Variants in TEAD1 observed in about 807,000 individuals in gnomAD.
TEAD1 encodes the protein transcriptional enhancer factor TEF-1.
Under a neutral mutation model 54.9 loss-of-function variants are expected in TEAD1, and 9 were observed. That is an observed-to-expected ratio of 0.16 (90% CI 0.10 to 0.29). The LOEUF is 0.29. Ranked by LOEUF, TEAD1 falls within the 10% of genes least tolerant of loss-of-function variation. The pLI is 1.00. For missense variants in TEAD1, 387 were observed against 535.9 expected (o/e 0.72, Z 2.74); for synonymous variants, 200 against 187.8 (o/e 1.07, Z -0.53).
intron 3 of TEAD1, among the ~76,000 whole-genome samples, chr11:12,774,501 A>C (rs1564935172): frequency 6.6e-6 from 1 of 152,190 alleles, no homozygotes; most frequent in Non-Finnish European, 1.5e-5. Context: ...GTGGGACAGG[A>C]GGTATATCAA....
intron 2 of TEAD1, among the ~76,000 whole-genome samples, chr11:12,719,791 TA>T (rs113647592): frequency 0.11 from 17,294 of 151,714 alleles, 3,342 homozygotes; most frequent in African/African-American, 0.4. Context: ...AGCTAATAGC[TA>T]AAAAAACTCT....
At chr11:12,786,674 A>T (rs1338627660) in intron 3 of TEAD1, among the ~76,000 whole-genome samples, 1 of 152,194 alleles carries the variant, frequency 6.6e-6, no homozygotes, top group African/African-American at 2.4e-5. Flanking sequence ...GATATGTCAG[A>T]TGCCACTCTA....
chr11:12,866,526 A>G (rs1947620971), intron 5 of TEAD1, among the ~76,000 whole-genome samples: 2 of 152,224 alleles, frequency 1.3e-5, no homozygotes, highest in Non-Finnish European at 2.9e-5. Context: ...TGCTTTATAC[A>G]TGTACATATG....
chr11:12,895,481 C>T (rs1282506983), intron 9 of TEAD1, among the ~76,000 whole-genome samples: 2 of 152,166 alleles, frequency 1.3e-5, no homozygotes, highest in African/African-American at 4.8e-5. Flanking sequence ...TCCAGCTGTC[C>T]TGAGCGTTTG....
intron 2 of TEAD1, among the ~76,000 whole-genome samples, chr11:12,697,776 C>T (rs1943615751): frequency 6.6e-6 from 1 of 152,202 alleles, no homozygotes; most frequent in Non-Finnish European, 1.5e-5. Context: ...GTAATCCCAG[C>T]ACTTGGGAGG....
chr11:12,882,292 C>T (rs1169656213), intron 8 of TEAD1, among the ~76,000 whole-genome samples: 1 of 152,144 alleles, frequency 6.6e-6, no homozygotes, highest in Non-Finnish European at 1.5e-5. Flanking sequence ...GTCTCAAGGC[C>T]AGATAGGGTT....
intron 2 of TEAD1, among the ~76,000 whole-genome samples, chr11:12,746,523 G>A (rs1944747659): frequency 6.6e-6 from 1 of 152,178 alleles, no homozygotes; most frequent in African/African-American, 2.4e-5. Flanking sequence ...ATGTTACCCT[G>A]ATTAGGTACT....
At chr11:12,819,377 C>A (rs1341923064) in intron 3 of TEAD1, among the ~76,000 whole-genome samples, 1 of 151,542 alleles carries the variant, frequency 6.6e-6, no homozygotes, top group Admixed American at 6.6e-5. Context: ...CTTGGTAACC[C>A]CTTCATTTAA....
At position 12,722,776 on chromosome 11, in the gene TEAD1, C is replaced by A. The variant is rs139864319; in HGVS notation, c.-54-41403C>A. ...ACTGTTTTCATTTTAACTTTTAGCC[C>A]TTGTCTGTATGCAGGCATGTTTCTC... On this transcript the variant is annotated intron_variant, in intron 2 of 12. Transcript: ENST00000527636. Among the ~76,000 whole-genome samples the A allele has an allele frequency of 1.2e-4, 18 of 152,058 alleles. No homozygotes were observed. The East Asian group carries it at 3.3e-3, about 28-fold the overall frequency.
intron 6 of TEAD1, 22 bp downstream of exon 6, chr11:12,879,864 GTAATGACAGCTGC>G: frequency 6.2e-7 from 1 of 1,612,486 alleles, no homozygotes; most frequent in Non-Finnish European, 8.5e-7. Flanking sequence ...GCTCAGTCCA[GTAATGACAGCTGC>G]TGGGGTTGGG....
intron 2 of TEAD1, among the ~76,000 whole-genome samples, chr11:12,760,311 G>T (rs975363317): frequency 3.3e-5 from 5 of 152,156 alleles, no homozygotes; most frequent in African/African-American, 9.7e-5. Context: ...TTCTGTATTG[G>T]GATGAAATTT....
chr11:12,907,779 A>G (rs1347309282), intron 10 of TEAD1, among the ~76,000 whole-genome samples: 1 of 152,216 alleles, frequency 6.6e-6, no homozygotes, highest in Non-Finnish European at 1.5e-5. Flanking sequence ...AGGCAAAGTG[A>G]CTTCTGTGAC....
intron 3 of TEAD1, among the ~76,000 whole-genome samples, chr11:12,841,609 G>T (rs990988340): frequency 6.6e-6 from 1 of 152,110 alleles, no homozygotes; most frequent in African/African-American, 2.4e-5. Context: ...TCAGCTACTT[G>T]CATTTTTTGG....
chr11:12,929,082 T>TCC (rs1948960320), intron 11 of TEAD1, among the ~76,000 whole-genome samples: 1 of 152,158 alleles, frequency 6.6e-6, no homozygotes. Flanking sequence ...GTTGACATTT[T>TCC]CCCCTTCTTT....
intron 2 of TEAD1, among the ~76,000 whole-genome samples, chr11:12,687,459 T>C (rs1331818053): frequency 6.6e-6 from 1 of 152,228 alleles, no homozygotes; most frequent in East Asian, 1.9e-4. Context: ...CAGAGAAGTT[T>C]AGTGACCTAC....
chr11:12,932,086 G>C (rs540431171), intron 12 of TEAD1, among the ~76,000 whole-genome samples: 1 of 152,328 alleles, frequency 6.6e-6, no homozygotes, highest in East Asian at 1.9e-4. Context: ...GTTCCAAGAA[G>C]AGAATCTTAA....
At chr11:12,849,041 C>CT (rs963520722) in intron 3 of TEAD1, 17 of 151,256 alleles carry the variant, frequency 1.1e-4, no homozygotes, top group South Asian at 4.2e-4. Flanking sequence ...AACTTTCTTG[C>CT]TTTTTTTTTC....
intron 3 of TEAD1, among the ~76,000 whole-genome samples, chr11:12,851,458 A>G (rs141399535): frequency 2.9e-3 from 435 of 152,350 alleles, no homozygotes; most frequent in Non-Finnish European, 4.6e-3. Context: ...ATGTATCTCA[A>G]TATCACTTTG....
intron 2 of TEAD1, among the ~76,000 whole-genome samples, chr11:12,676,418 T>G (rs909309324): frequency 2.0e-5 from 3 of 152,212 alleles, no homozygotes; most frequent in Non-Finnish European, 4.4e-5. Flanking sequence ...CTTGCTGGTC[T>G]TCTACGGATA....
Sources: allele counts gnomAD v4.1 joint callset (sites outside exome capture counted in the v4.1 genomes callset), GRCh38; gene constraint gnomAD v4.1.1; transcripts MANE v1.5; gene names NCBI Gene and HGNC (gene_info 2026-07-23, HGNC 2026-07-21).